PLEKHA5: variants seen among roughly 807,000 people sequenced by gnomAD.
The protein encoded by PLEKHA5 is pleckstrin homology domain-containing family A member 5.
A neutral mutation model predicts 181.9 loss-of-function variants in PLEKHA5; 55 were observed. The ratio of observed to expected loss-of-function variants is 0.30; its 90% confidence interval spans 0.24 to 0.38. The LOEUF (loss-of-function observed/expected upper bound fraction) is 0.38, where lower values mean the gene tolerates loss of function less well. Ranked by LOEUF, PLEKHA5 falls within the 10% of genes least tolerant of loss-of-function variation. The pLI is 1.00. For missense variants in PLEKHA5, 1,432 were observed against 1,549.5 expected (o/e 0.92, Z 1.27); for synonymous variants, 535 against 529.4 (o/e 1.01, Z -0.15).
intron 3 of PLEKHA5, among the ~76,000 whole-genome samples, chr12:19,168,946 T>C (rs1428997319): frequency 5.3e-5 from 8 of 152,192 alleles, no homozygotes; most frequent in African/African-American, 1.9e-4. Context: ...CTGTCTCTTT[T>C]TCTGTAAAGT....
chr12:19,352,878 T>A (rs1268093076), intron 25 of PLEKHA5, among the ~76,000 whole-genome samples: 1 of 151,556 alleles, frequency 6.6e-6, no homozygotes, highest in South Asian at 2.1e-4. Context: ...CACTGTAACC[T>A]CTGCAGTGAT....
intron 21 of PLEKHA5, among the ~76,000 whole-genome samples, chr12:19,338,197 T>A (rs1427326872): frequency 1.3e-5 from 2 of 152,274 alleles, no homozygotes; most frequent in East Asian, 3.9e-4. Context: ...ATGTTAACTA[T>A]CTAAATGTAT....
chr12:19,207,370 A>G (rs2055829017), intron 3 of PLEKHA5: 1 of 152,204 alleles, frequency 6.6e-6, no homozygotes, highest in African/African-American at 2.4e-5. Flanking sequence ...AAAATGAAAG[A>G]AGAATACAGA....
At chr12:19,220,627 G>A (rs909825309) in intron 3 of PLEKHA5, among the ~76,000 whole-genome samples, 1 of 152,090 alleles carries the variant, frequency 6.6e-6, no homozygotes, top group Non-Finnish European at 1.5e-5. Flanking sequence ...TGACCTTTGG[G>A]TTGATTCCAT....
intron 3 of PLEKHA5, among the ~76,000 whole-genome samples, chr12:19,143,736 A>C (rs1050556700): frequency 1.3e-5 from 2 of 152,122 alleles, no homozygotes; most frequent in East Asian, 3.9e-4. Context: ...TCTTATTGCT[A>C]TTGATAATAC....
intron 3 of PLEKHA5, among the ~76,000 whole-genome samples, chr12:19,213,168 G>A (rs985886137): frequency 1.3e-5 from 2 of 152,146 alleles, no homozygotes; most frequent in African/African-American, 4.8e-5. Context: ...AGAAGTATGT[G>A]TATTGTGTGC....
chr12:19,305,801 A>G (rs2083180799), intron 15 of PLEKHA5, among the ~76,000 whole-genome samples: 1 of 139,698 alleles, frequency 7.2e-6, no homozygotes, highest in South Asian at 2.5e-4. Context: ...CGGAGGTTGC[A>G]GTGAGCCAAG....
At chr12:19,366,260 G>T in intron 30 of PLEKHA5, 151 bp downstream of exon 30, 1 of 649,990 alleles carries the variant, frequency 1.5e-6, no homozygotes. Flanking sequence ...CCTTCAGGAG[G>T]ATGCAGCCCC....
At chr12:19,193,004 T>C (rs1221411534) in intron 3 of PLEKHA5, among the ~76,000 whole-genome samples, 1 of 152,208 alleles carries the variant, frequency 6.6e-6, no homozygotes, top group Admixed American at 6.5e-5. Flanking sequence ...AAGTTGATAG[T>C]TTTGACAGAC....
chr12:19,334,987 A>G (rs1187899575), intron 20 of PLEKHA5, among the ~76,000 whole-genome samples: 1 of 135,932 alleles, frequency 7.4e-6, no homozygotes, highest in Non-Finnish European at 1.6e-5. Flanking sequence ...TTTTATGAAA[A>G]AAAAAAAAAA....
intron 3 of PLEKHA5, among the ~76,000 whole-genome samples, chr12:19,140,092 A>G (rs935839629): frequency 6.6e-6 from 1 of 152,200 alleles, no homozygotes; most frequent in Non-Finnish European, 1.5e-5. Flanking sequence ...TTGAACTCAT[A>G]GTTGTGTGCC....
chr12:19,343,370 G>T lies in PLEKHA5; in HGVS notation c.2598G>T (p.Trp866Cys), dbSNP rs775401579. Residue 866 changes from tryptophan (W) to cysteine (C), a missense_variant, in exon 22 of 32, where the codon TGG (tryptophan) becomes TGT (cysteine). Around this residue, in one of 2 missense-constraint regions of PLEKHA5, gnomAD observed 1,143 missense variants for 1,168.4 expected, o/e 0.98. Coordinates refer to ENST00000429027, the MANE Select transcript of PLEKHA5 (RefSeq NM_001256470.2). Reference sequence around the variant, plus strand: ...GTGCACAGATTCAGAAAGAACTTTGGCGAATTCAGGATGTCATGGAAGGGC... The same window carrying T: ...GTGCACAGATTCAGAAAGAACTTTGTCGAATTCAGGATGTCATGGAAGGGC... ...IQRAQIQKEL[W>C]RIQDVMEGLS... is the part of the protein sequence containing the mutation. The T allele has an allele frequency of 6.2e-7, 1 of 1,613,870 alleles. No individual in the cohort carries two copies. Among genetic ancestry groups the T allele is most frequent in the Non-Finnish European group, 8.5e-7 (1 of 1,179,844 alleles).
chr12:19,336,299 A>AT (rs1408832544), intron 20 of PLEKHA5, among the ~76,000 whole-genome samples: 7 of 152,226 alleles, frequency 4.6e-5, no homozygotes, highest in African/African-American at 1.7e-4. Context: ...CCTCTTCTAC[A>AT]TTTTAGGAAA....
chr12:19,246,022 A>G (rs2063659417), intron 3 of PLEKHA5, among the ~76,000 whole-genome samples: 1 of 142,322 alleles, frequency 7.0e-6, no homozygotes, highest in East Asian at 2.2e-4. Context: ...TCTGTCGCCC[A>G]GGCTGTAGTG....
intron 15 of PLEKHA5, among the ~76,000 whole-genome samples, chr12:19,308,146 G>T (rs1437881045): frequency 1.3e-5 from 2 of 151,628 alleles, no homozygotes; most frequent in African/African-American, 2.4e-5. Context: ...CTAAAACAAA[G>T]AAACGTTCTG....
chr12:19,359,010 T>C (rs1325346958), intron 27 of PLEKHA5, among the ~76,000 whole-genome samples: 1 of 152,204 alleles, frequency 6.6e-6, no homozygotes, highest in Non-Finnish European at 1.5e-5. Flanking sequence ...GTCTGGTCTT[T>C]CCCTGTTTGT....
At chr12:19,219,066 C>T (rs917935846) in intron 3 of PLEKHA5, among the ~76,000 whole-genome samples, 9 of 151,498 alleles carry the variant, frequency 5.9e-5, no homozygotes, top group East Asian at 1.9e-4. Context: ...ATTTGAACTG[C>T]GCTGGTCCAC....
At position 19,204,472 on chromosome 12, in the gene PLEKHA5, T is replaced by C. The variant is rs865847557; in HGVS notation, c.228-49468T>C. Among the ~76,000 whole-genome samples, 3 of 152,264 alleles carry C rather than the reference T, an allele frequency of 2.0e-5. No individual in the cohort carries two copies. The South Asian group carries it at 6.2e-4, about 32-fold the overall frequency. ...AAAATGGAGCAGAGGAGAAAACTTCTTGACCATATTTTCATCATCCCAGAC... is the reference window on the plus strand; with the variant it reads ...AAAATGGAGCAGAGGAGAAAACTTCCTGACCATATTTTCATCATCCCAGAC... On this transcript the variant is annotated intron_variant, in intron 3 of 31. Coordinates refer to ENST00000429027, the MANE Select transcript of PLEKHA5 (RefSeq NM_001256470.2).
chr12:19,319,720 C>T (rs182193593), intron 16 of PLEKHA5: 4 of 221,040 alleles, frequency 1.8e-5, no homozygotes, highest in Admixed American at 6.2e-5. Context: ...CCTGCAGAGG[C>T]TGTGATGTTA....
Sources: gnomAD v4.1 joint callset for allele counts (sites outside exome capture counted in the v4.1 genomes callset) on GRCh38, gnomAD v4.1.1 for gene constraint, gnomAD v4.1.1 regional missense constraint, MANE v1.5 for transcripts, NCBI Gene and HGNC (gene_info 2026-07-23, HGNC 2026-07-21) for gene names.